The following KCNIP4 variants were observed in gnomAD, a reference collection of about 807,000 sequenced individuals.
KCNIP4 encodes Kv channel-interacting protein 4.
In KCNIP4, 12 loss-of-function variants were observed where a neutral mutation model predicts 34.0. That is an observed-to-expected ratio of 0.35 (90% CI 0.23 to 0.57). The LOEUF is 0.57. Among genes scored for constraint, KCNIP4 ranks in the 20% least tolerant of loss-of-function variants. The probability of loss-of-function intolerance (pLI) is 0.83; values close to 1 mark genes in which losing one functional copy is unlikely to be tolerated. For missense variants in KCNIP4, 238 were observed against 311.7 expected (o/e 0.76, Z 1.78); for synonymous variants, 124 against 102.2 (o/e 1.21, Z -1.29).
chr4:21,428,763 T>C (rs1218038157), intron 1 of KCNIP4, among the ~76,000 whole-genome samples: 1 of 152,168 alleles, frequency 6.6e-6, no homozygotes, highest in Non-Finnish European at 1.5e-5. Context: ...GCCTGTACAA[T>C]AAGGAGGACA....
At chr4:21,789,462 T>C (rs1301291844) in intron 1 of KCNIP4, among the ~76,000 whole-genome samples, 2 of 152,152 alleles carry the variant, frequency 1.3e-5, no homozygotes, top group Non-Finnish European at 2.9e-5. Context: ...CTAAGGCCAG[T>C]AGGGAACATG....
intron 1 of KCNIP4, among the ~76,000 whole-genome samples, chr4:21,759,277 T>C (rs1412357129): frequency 6.6e-6 from 1 of 152,302 alleles, no homozygotes; most frequent in East Asian, 1.9e-4. Context: ...CTTTGTATAA[T>C]TTTGCCCATT....
intron 1 of KCNIP4, among the ~76,000 whole-genome samples, chr4:21,882,170 C>T (rs996482446): frequency 6.6e-6 from 1 of 152,090 alleles, no homozygotes; most frequent in East Asian, 1.9e-4. Context: ...GTTTAATAGA[C>T]ATCAAAGAGT....
Position 21,862,977 on chromosome 4 carries a change from A to G in KCNIP4, c.61+85594T>C, listed in dbSNP as rs559083000. Reference sequence around the variant, plus strand: ...CTCCGTCTCAAAAAAAGAAAAAAAAAGAATTAAGGTAGAATTCTCAAACAT... The same window carrying G: ...CTCCGTCTCAAAAAAAGAAAAAAAAGGAATTAAGGTAGAATTCTCAAACAT... On this transcript the variant is annotated intron_variant, in intron 1 of 8. Coordinates refer to ENST00000382152, the MANE Select transcript of KCNIP4 (RefSeq NM_025221.6). 2.6e-5 allele frequency among the ~76,000 whole-genome samples: 4 copies of G among 151,522 alleles called. No homozygotes were observed. The East Asian group carries it at 7.8e-4, about 30-fold the overall frequency.
intron 1 of KCNIP4, among the ~76,000 whole-genome samples, chr4:20,943,845 A>G (rs1731909359): frequency 6.6e-6 from 1 of 152,210 alleles, no homozygotes; most frequent in African/African-American, 2.4e-5. Flanking sequence ...CTGTCAAATT[A>G]TTGACAATTT....
chr4:21,888,418 G>A (rs546295270), intron 1 of KCNIP4, among the ~76,000 whole-genome samples: 5 of 152,126 alleles, frequency 3.3e-5, no homozygotes, highest in East Asian at 1.9e-4. Context: ...AGACTCATAC[G>A]ATTCAGATGC....
chr4:21,902,416 A>G (rs115995544), intron 1 of KCNIP4, among the ~76,000 whole-genome samples: 1,699 of 152,242 alleles, frequency 0.011, 30 homozygotes, highest in African/African-American at 0.038. Context: ...AAATAAATCC[A>G]TATTTTCAAA....
At position 21,727,304 on chromosome 4, in the gene KCNIP4, T is replaced by C. The variant is rs562255860; in HGVS notation, c.61+221267A>G. The stretch of plus-strand genomic sequence containing the variant: ...ATGTGAGGACATAATCTTCATTCTT[T>C]CCACCATGTGAGGACACAGTCTTCA... On this transcript the variant is annotated intron_variant, in intron 1 of 8. Transcript: ENST00000382152. Among the ~76,000 whole-genome samples, 9 of 152,208 alleles carry C rather than the reference T, an allele frequency of 5.9e-5. No homozygotes were observed. In the South Asian group the frequency reaches 1.9e-3, roughly 32 times the overall value.
intron 1 of KCNIP4, among the ~76,000 whole-genome samples, chr4:21,234,557 A>T (rs1289210130): frequency 7.4e-6 from 1 of 134,362 alleles, no homozygotes; most frequent in East Asian, 2.1e-4. Flanking sequence ...TATATTACAT[A>T]TAACGTATAT....
At chr4:20,947,335 A>C (rs1041124622) in intron 1 of KCNIP4, among the ~76,000 whole-genome samples, 3 of 151,994 alleles carry the variant, frequency 2.0e-5, no homozygotes, top group African/African-American at 7.2e-5. Context: ...CTCTCGGCTA[A>C]TTTTTGTACT....
chr4:20,918,560 T>A (rs1449226656), intron 1 of KCNIP4, among the ~76,000 whole-genome samples: 1 of 152,194 alleles, frequency 6.6e-6, no homozygotes, highest in Non-Finnish European at 1.5e-5. Flanking sequence ...CTCCTTGCTC[T>A]CTCAACACAT....
At chr4:21,801,849 T>C (rs1315963966) in intron 1 of KCNIP4, among the ~76,000 whole-genome samples, 1 of 151,620 alleles carries the variant, frequency 6.6e-6, no homozygotes, top group African/African-American at 2.4e-5. Context: ...AGTGGCCTCT[T>C]AGACAGTGCC....
intron 1 of KCNIP4, among the ~76,000 whole-genome samples, chr4:21,881,341 T>A (rs16872028): frequency 1.3e-5 from 2 of 152,134 alleles, no homozygotes; most frequent in Non-Finnish European, 2.9e-5. Context: ...AATGTTAATA[T>A]GTTGGATTAT....
At chr4:20,834,634 TA>T (rs1718828881) in intron 3 of KCNIP4, among the ~76,000 whole-genome samples, 1 of 151,934 alleles carries the variant, frequency 6.6e-6, no homozygotes, top group African/African-American at 2.4e-5. Context: ...TAAATGTACA[TA>T]AAGAGTAGCC....
At chr4:21,144,259 T>A (rs1422975465) in intron 1 of KCNIP4, among the ~76,000 whole-genome samples, 1 of 152,200 alleles carries the variant, frequency 6.6e-6, no homozygotes, top group Non-Finnish European at 1.5e-5. Context: ...GAACCAGTTG[T>A]AACATCCATA....
chr4:20,775,242 A>G (rs1398557514), intron 3 of KCNIP4, among the ~76,000 whole-genome samples: 1 of 152,168 alleles, frequency 6.6e-6, no homozygotes, highest in East Asian at 1.9e-4. Flanking sequence ...GGCGATTAAA[A>G]TCTTGTGCTC....
chr4:21,679,453 T>G (rs1750171427), intron 1 of KCNIP4, among the ~76,000 whole-genome samples: 1 of 135,802 alleles, frequency 7.4e-6, no homozygotes, highest in Non-Finnish European at 1.6e-5. Context: ...CATTCATCTC[T>G]TATATCCCCT....
At chr4:21,514,084 T>C (rs1005269992) in intron 1 of KCNIP4, among the ~76,000 whole-genome samples, 2 of 152,284 alleles carry the variant, frequency 1.3e-5, no homozygotes, top group Admixed American at 1.3e-4. Context: ...GGTATTAGCC[T>C]TGTGTTGTCA....
chr4:21,379,032 C>T (rs1467496810), intron 1 of KCNIP4, among the ~76,000 whole-genome samples: 1 of 152,156 alleles, frequency 6.6e-6, no homozygotes, highest in African/African-American at 2.4e-5. Context: ...GAAATAGACA[C>T]ATATTATCTA....
Sources: allele counts gnomAD v4.1 joint callset (sites outside exome capture counted in the v4.1 genomes callset), GRCh38; gene constraint gnomAD v4.1.1; transcripts MANE v1.5; gene names NCBI Gene and HGNC (gene_info 2026-07-23, HGNC 2026-07-21).